KLF3: variants seen among roughly 807,000 people sequenced by gnomAD.
KLF3 encodes Krueppel-like factor 3.
A neutral mutation model predicts 32.7 loss-of-function variants in KLF3; 6 were observed. That is an observed-to-expected ratio of 0.18 (90% CI 0.10 to 0.36). The LOEUF (loss-of-function observed/expected upper bound fraction) is 0.36, where lower values mean the gene tolerates loss of function less well. KLF3 is among the 10% of genes least tolerant of loss of function. KLF3 has a pLI of 1.00. For missense variants in KLF3, 338 were observed against 449.7 expected (o/e 0.75, Z 2.25); for synonymous variants, 145 against 172.8 (o/e 0.84, Z 1.26).
At position 38,701,162 on chromosome 4, in the gene KLF3, A is replaced by C. The variant is rs1723182442; in HGVS notation, c.*3899A>C. ...GGGCAGTTATTGTTGATGGAGGGACAGAAAAATAGATCTAACTGGAAGATG... is the reference window on the plus strand; with the variant it reads ...GGGCAGTTATTGTTGATGGAGGGACCGAAAAATAGATCTAACTGGAAGATG... On this transcript the variant is annotated 3_prime_UTR_variant, in exon 6 of 6. Transcript: ENST00000261438. 6.6e-6 allele frequency: 1 copy of C among 152,212 alleles called. No individual in the cohort carries two copies. The highest frequency in any genetic ancestry group is 1.5e-5 in the Non-Finnish European group (1 of 68,026). 9.4% of individuals were successfully genotyped at this position (152,212 alleles called of 1,614,324 possible).
chr4:38,689,151 T>C, intron 3 of KLF3, 80 bp downstream of exon 3: 2 of 1,542,312 alleles, frequency 1.3e-6, no homozygotes, highest in Non-Finnish European at 1.8e-6. Flanking sequence ...TGAGGAAGCA[T>C]GGGGGCAAGA....
chr4:38,666,227 CAAAG>C (rs1267574691), intron 1 of KLF3, among the ~76,000 whole-genome samples: 6 of 152,132 alleles, frequency 3.9e-5, no homozygotes, highest in Non-Finnish European at 8.8e-5. Context: ...ATGGGAATAA[CAAAG>C]AAAAGTAACT....
In KLF3 at chr4:38,698,656, A is replaced by G. The variant is rs1281657272; in HGVS notation, c.*1393A>G. On this transcript the variant is annotated 3_prime_UTR_variant, in exon 6 of 6. Transcript: ENST00000261438. ...CTATCACTATTTCAGTGTCAGAACAAACTGAAAATAATGGCTCGTGTTTAT... is the reference window on the plus strand; with the variant it reads ...CTATCACTATTTCAGTGTCAGAACAGACTGAAAATAATGGCTCGTGTTTAT... 6.6e-6 allele frequency: 1 copy of G among 152,318 alleles called. No homozygotes were observed. The highest frequency in any genetic ancestry group is 1.5e-5 in the Non-Finnish European group (1 of 68,032). The allele number at this position is 152,318 out of a possible 1,614,324, so 9.4% of individuals were successfully genotyped here.
intron 2 of KLF3, among the ~76,000 whole-genome samples, chr4:38,682,924 TC>T (rs1415626420): frequency 5.9e-5 from 9 of 152,194 alleles, no homozygotes; most frequent in African/African-American, 2.2e-4. Context: ...TTTTTCTTTT[TC>T]TTTTTTTGGT....
intron 1 of KLF3, among the ~76,000 whole-genome samples, chr4:38,665,480 A>C (rs930136742): frequency 6.6e-6 from 1 of 152,238 alleles, no homozygotes; most frequent in African/African-American, 2.4e-5. Context: ...GCAGTATACA[A>C]TAATACTAGA....
In KLF3 at chr4:38,691,225, C is replaced by G. The variant is rs143469080; in HGVS notation, c.695+1346C>G. Among the ~76,000 whole-genome samples the G allele has an allele frequency of 5.8e-3, 889 of 152,340 alleles. 7 individuals carry two copies. The highest frequency in any genetic ancestry group is 0.01 in the Middle Eastern group (3 of 294). ...TCGCCAATATTCACCCTGCTAACAA[C>G]TGAGGGGCCTTGGGCTTGATCTCCT... is the stretch of plus-strand genomic sequence containing the variant. On this transcript the variant is annotated intron_variant, in intron 4 of 5. Coordinates refer to ENST00000261438, the MANE Select transcript of KLF3 (RefSeq NM_016531.6).
At chr4:38,693,532 T>C (rs957871881) in intron 4 of KLF3, among the ~76,000 whole-genome samples, 15 of 152,156 alleles carry the variant, frequency 9.9e-5, no homozygotes, top group African/African-American at 3.1e-4. Context: ...CTTTTATTCT[T>C]TTTTTAAGCT....
chr4:38,677,102 A>T (rs1722378647), intron 1 of KLF3, among the ~76,000 whole-genome samples: 1 of 151,942 alleles, frequency 6.6e-6, no homozygotes, highest in Non-Finnish European at 1.5e-5. Context: ...CTGGGATTGC[A>T]GGTGTGCGCC....
intron 1 of KLF3, among the ~76,000 whole-genome samples, chr4:38,678,801 T>A (rs1051931128): frequency 3.3e-5 from 5 of 152,138 alleles, no homozygotes; most frequent in African/African-American, 1.2e-4. Flanking sequence ...TGGAACTCAC[T>A]CTAGAACTTG....
intron 2 of KLF3, among the ~76,000 whole-genome samples, chr4:38,682,207 T>C (rs7698567): frequency 0.99 from 150,931 of 152,340 alleles, 74,772 homozygotes; most frequent in African/African-American, 1. Flanking sequence ...TACAGGCGCA[T>C]GCCACCACGC....
intron 5 of KLF3, 24 bp from the exon 6 acceptor site, chr4:38,697,058 G>A: frequency 1.3e-6 from 2 of 1,547,666 alleles, no homozygotes; most frequent in Non-Finnish European, 1.7e-6. Flanking sequence ...AAAAAAAATA[G>A]CTCTTTTCTT....
rs1200095251 is a variant in KLF3 at position 38,674,959 on chromosome 4, T to C, written c.-39-5628T>C. On this transcript the variant is annotated intron_variant, in intron 1 of 5. Coordinates refer to ENST00000261438, the MANE Select transcript of KLF3 (RefSeq NM_016531.6). This position sits in a 1 kb window ranked among gnomAD's most constrained non-coding sequence, Gnocchi z 4.1. ...ACCTCGTCTTCCATGAAGGACTGTG[T>C]GTGTGTTTCTAAGCCCTGCAGCTCA... 1.1e-4 allele frequency among the ~76,000 whole-genome samples: 16 copies of C among 152,188 alleles called. No homozygotes were observed. Among genetic ancestry groups the C allele is most frequent in the Non-Finnish European group, 2.1e-4 (14 of 68,024 alleles).
chr4:38,683,560 C>G (rs1405783421), intron 2 of KLF3, among the ~76,000 whole-genome samples: 1 of 150,736 alleles, frequency 6.6e-6, no homozygotes, highest in East Asian at 1.9e-4. Context: ...GCTCCCCGAG[C>G]TTCTGTTTTT....
intron 1 of KLF3, among the ~76,000 whole-genome samples, chr4:38,677,957 T>G (rs1368951463): frequency 6.6e-6 from 1 of 151,338 alleles, no homozygotes; most frequent in Non-Finnish European, 1.5e-5. Flanking sequence ...GAGAAGCAGA[T>G]AGGGAGCCAT....
rs920628878 is a variant in KLF3, at chr4:38,674,995, C to G, written c.-39-5592C>G. On this transcript the variant is annotated intron_variant, in intron 1 of 5. Transcript: ENST00000261438. The surrounding 1 kb of genome is among the most constrained non-coding windows in gnomAD (Gnocchi z 4.1). The stretch of plus-strand genomic sequence containing the variant: ...AAGCCCTGCAGCTCACCTGCAGCCC[C>G]GCTCCCCACTCCATAAAGCCATTGT... 6.6e-6 allele frequency among the ~76,000 whole-genome samples: 1 copy of G among 152,186 alleles called. No homozygotes were observed. Among genetic ancestry groups the G allele is most frequent in the Non-Finnish European group, 1.5e-5 (1 of 68,038 alleles).
chr4:38,684,014 T>C (rs1246774773), intron 2 of KLF3, among the ~76,000 whole-genome samples: 1 of 152,218 alleles, frequency 6.6e-6, no homozygotes, highest in African/African-American at 2.4e-5. Context: ...TGGAACCCTC[T>C]CTTGGATGAA....
rs1723127623 is a variant in KLF3, at chr4:38,698,989, C to G, written c.*1726C>G. On this transcript the variant is annotated 3_prime_UTR_variant, in exon 6 of 6. Coordinates refer to ENST00000261438, the MANE Select transcript of KLF3 (RefSeq NM_016531.6). ...TTAAAACATCTGTGAATGAGTGATT[C>G]CGGAGGCCTGTGAATTGTGTGGGGA... is the stretch of plus-strand genomic sequence containing the variant. 2 of 152,138 alleles carry G rather than the reference C, an allele frequency of 1.3e-5. No homozygotes were observed. Among genetic ancestry groups the G allele is most frequent in the South Asian group, 4.1e-4 (2 of 4,826 alleles). The allele number at this position is 152,138 out of a possible 1,614,324, so 9.4% of individuals were successfully genotyped here.
intron 1 of KLF3, among the ~76,000 whole-genome samples, chr4:38,675,651 CG>C (rs78591766): frequency 0.032 from 4,868 of 152,192 alleles, 125 homozygotes; most frequent in South Asian, 0.09. Flanking sequence ...TTAAAGACCC[CG>C]AGGTTGGCCA....
At chr4:38,685,837 C>T (rs1271900219) in intron 2 of KLF3, among the ~76,000 whole-genome samples, 1 of 152,170 alleles carries the variant, frequency 6.6e-6, no homozygotes, top group Admixed American at 6.5e-5. Flanking sequence ...CGAAATCATT[C>T]TCCTTCCTAT....
Sources: allele counts gnomAD v4.1 joint callset (sites outside exome capture counted in the v4.1 genomes callset), GRCh38; gene constraint gnomAD v4.1.1; non-coding constraint Gnocchi (gnomAD v3.1); transcripts MANE v1.5; gene names NCBI Gene and HGNC (gene_info 2026-07-23, HGNC 2026-07-21).